The following POLR1D variants were observed in gnomAD, a reference collection of about 807,000 sequenced individuals.
POLR1D encodes RNA polymerase I and III subunit D, also known as DNA-directed RNA polymerases I and III subunit RPAC2.
A neutral mutation model predicts 10.8 loss-of-function variants in POLR1D; 8 were observed. That is an observed-to-expected ratio of 0.74 (90% CI 0.43 to 1.33). POLR1D has a LOEUF of 1.33. Among genes scored for constraint, POLR1D ranks in the 40% most tolerant of loss-of-function variants. The pLI, the probability that POLR1D is intolerant of heterozygous loss-of-function variation, is 0.01. For missense variants in POLR1D, 152 were observed against 161.7 expected (o/e 0.94, Z 0.32); for synonymous variants, 54 against 57.2 (o/e 0.94, Z 0.25).
chr13:27,661,625 C>T (rs996586221), intron 2 of POLR1D, among the ~76,000 whole-genome samples: 2 of 152,108 alleles, frequency 1.3e-5, no homozygotes, highest in Admixed American at 1.3e-4. Flanking sequence ...ACGAGAAAAG[C>T]CAGGAATGGT....
chr13:27,642,191 A>G (rs1435723698), intron 1 of POLR1D, among the ~76,000 whole-genome samples: 1 of 152,246 alleles, frequency 6.6e-6, no homozygotes, highest in African/African-American at 2.4e-5. Context: ...TCAGTAGCTC[A>G]CTGAAGGGAA....
chr13:27,627,275 G>C (rs373896997), downstream of POLR1D, among the ~76,000 whole-genome samples: 5 of 150,156 alleles, frequency 3.3e-5, no homozygotes, highest in South Asian at 1.1e-3. Context: ...TTACTGCGTG[G>C]GTCTGGTTTT....
chr13:27,621,964 A>T lies in POLR1D; in HGVS notation c.-20A>T. Reference sequence around the variant, plus strand: ...CCCGATCCGCCAGCACCACCTGAGGATCCAGAAACCGCCCCAGCGATGGAA... The same window carrying T: ...CCCGATCCGCCAGCACCACCTGAGGTTCCAGAAACCGCCCCAGCGATGGAA... On this transcript the variant is annotated 5_prime_UTR_variant, in exon 1 of 2. Coordinates refer to ENST00000302979, the MANE Select transcript of POLR1D (RefSeq NM_015972.4). 1 of 1,590,732 alleles carries T rather than the reference A, an allele frequency of 6.3e-7. No homozygotes were observed. Among genetic ancestry groups the T allele is most frequent in the Non-Finnish European group, 8.6e-7 (1 of 1,168,594 alleles).
At chr13:27,626,917 C>G (rs1038573153), downstream of POLR1D, among the ~76,000 whole-genome samples, 1 of 152,208 alleles carries the variant, frequency 6.6e-6, no homozygotes. Context: ...AAGGTGTCTA[C>G]AAAGTGGTCT....
At chr13:27,650,942 A>T (rs1218782528) in intron 2 of POLR1D, 1 of 152,254 alleles carries the variant, frequency 6.6e-6, no homozygotes, top group African/African-American at 2.4e-5. Context: ...TGTACAAATT[A>T]TACTTCAAAG....
chr13:27,665,883 C>G (rs986814568), exon 3 of POLR1D: 2 of 1,614,156 alleles, frequency 1.2e-6, no homozygotes, highest in South Asian at 1.1e-5. Context: ...GCTCGAGGTT[C>G]CGCCAGTTAC....
intron 2 of POLR1D, among the ~76,000 whole-genome samples, chr13:27,653,307 G>A (rs1956282812): frequency 6.6e-6 from 1 of 152,100 alleles, no homozygotes; most frequent in Non-Finnish European, 1.5e-5. Flanking sequence ...CAGTTGCGTG[G>A]CAGATAAGTA....
chr13:27,622,486 A>G (rs1486661711), intron 1 of POLR1D: 1 of 303,446 alleles, frequency 3.3e-6, no homozygotes, highest in African/African-American at 2.2e-5. Flanking sequence ...GATCATCTGT[A>G]TCCTCTATTT....
chr13:27,658,219 G>T (rs1031598857), intron 2 of POLR1D, among the ~76,000 whole-genome samples: 1 of 152,174 alleles, frequency 6.6e-6, no homozygotes, highest in African/African-American at 2.4e-5. Flanking sequence ...ATTCTAAAGT[G>T]AACACAAATT....
chr13:27,642,475 AT>A (rs1158939143), intron 1 of POLR1D, among the ~76,000 whole-genome samples: 1 of 151,868 alleles, frequency 6.6e-6, no homozygotes, highest in Non-Finnish European at 1.5e-5. Context: ...GACATACTAT[AT>A]TTTTTTCTTT....
At chr13:27,632,433 T>G (rs1486946421) in intron 1 of POLR1D, among the ~76,000 whole-genome samples, 3 of 152,248 alleles carry the variant, frequency 2.0e-5, no homozygotes, top group Non-Finnish European at 4.4e-5. Flanking sequence ...AGCATTGCTT[T>G]GGAAAAATAA....
At chr13:27,624,214 G>A (rs1163314306), downstream of POLR1D, among the ~76,000 whole-genome samples, 1 of 152,058 alleles carries the variant, frequency 6.6e-6, no homozygotes, top group African/African-American at 2.4e-5. Context: ...GCCTAGTTTG[G>A]GTACTTCTTT....
chr13:27,664,333 C>T (rs151330713), intron 2 of POLR1D, among the ~76,000 whole-genome samples: 149 of 152,300 alleles, frequency 9.8e-4, no homozygotes, highest in African/African-American at 3.3e-3. Flanking sequence ...CTTTGCCCTT[C>T]GTCTCATTCA....
chr13:27,666,656 G>A (rs1956421865), exon 3 of POLR1D: 1 of 152,086 alleles, frequency 6.6e-6, no homozygotes, highest in Admixed American at 6.6e-5. Flanking sequence ...ACCCTCACAA[G>A]TTAAAAATTA....
chr13:27,641,551 G>A (rs1367832692), intron 1 of POLR1D, among the ~76,000 whole-genome samples: 1 of 151,990 alleles, frequency 6.6e-6, no homozygotes, highest in Admixed American at 6.6e-5. Flanking sequence ...TTCAAAAAAT[G>A]GCTGAAAATA....
At chr13:27,627,118 A>G (rs1034697092), downstream of POLR1D, among the ~76,000 whole-genome samples, 9 of 152,194 alleles carry the variant, frequency 5.9e-5, no homozygotes, top group African/African-American at 1.9e-4. Context: ...CTTTGTAACA[A>G]CCTTTAAACT....
At chr13:27,657,909 A>G (rs2138568750) in intron 2 of POLR1D, among the ~76,000 whole-genome samples, 1 of 152,324 alleles carries the variant, frequency 6.6e-6, no homozygotes, top group Non-Finnish European at 1.5e-5. Context: ...ACCCAAACAG[A>G]TATGGGCTAT....
At chr13:27,641,853 G>A (rs1188343619) in intron 1 of POLR1D, among the ~76,000 whole-genome samples, 6 of 152,268 alleles carry the variant, frequency 3.9e-5, no homozygotes, top group East Asian at 1.9e-4. Flanking sequence ...AAGCTCCCCC[G>A]TGCATGTAAC....
intron 2 of POLR1D, among the ~76,000 whole-genome samples, chr13:27,661,580 A>G (rs191004037): frequency 1.1e-3 from 162 of 152,280 alleles, no homozygotes; most frequent in African/African-American, 3.8e-3. Flanking sequence ...TCTTATGCTC[A>G]ATTTCAGGGC....
Sources: allele counts gnomAD v4.1 joint callset (sites outside exome capture counted in the v4.1 genomes callset), GRCh38; gene constraint gnomAD v4.1.1; transcripts MANE v1.5; gene names NCBI Gene and HGNC (gene_info 2026-07-23, HGNC 2026-07-21).